CLIC4: variants seen among roughly 807,000 people sequenced by gnomAD.
CLIC4 encodes the protein CLIC family member 4.
In CLIC4, 13 loss-of-function variants were observed where a neutral mutation model predicts 24.6. The ratio of observed to expected loss-of-function variants is 0.53; its 90% CI spans 0.34 to 0.84. The LOEUF (loss-of-function observed/expected upper bound fraction) is 0.84. Among genes scored for constraint, CLIC4 ranks in the 40% least tolerant of loss-of-function variants. The pLI, the probability that CLIC4 is intolerant of heterozygous loss-of-function variation, is 0.01. For synonymous variants in CLIC4, 104 were observed against 111.3 expected (o/e 0.93, Z 0.41); for missense variants, 227 against 301.7 (o/e 0.75, Z 1.83).
At chr1:24,776,122 C>T (rs140021194) in intron 1 of CLIC4, among the ~76,000 whole-genome samples, 3 of 152,242 alleles carry the variant, frequency 2.0e-5, no homozygotes, top group South Asian at 2.1e-4. Context: ...CACGGATCAG[C>T]GAGAGATTTA....
chr1:24,839,115 C>T (rs1384280398), intron 4 of CLIC4, among the ~76,000 whole-genome samples: 1 of 152,114 alleles, frequency 6.6e-6, no homozygotes, highest in East Asian at 1.9e-4. Flanking sequence ...TTTCTTAACA[C>T]ATTTCTTACT....
At chr1:24,766,473 G>GTTT (rs71032855) in intron 1 of CLIC4, among the ~76,000 whole-genome samples, 1 of 62,040 alleles carries the variant, frequency 1.6e-5, no homozygotes, top group African/African-American at 6.5e-5. Flanking sequence ...TGCCCAGACG[G>GTTT]TTTTTTTTTT....
intron 3 of CLIC4, among the ~76,000 whole-genome samples, chr1:24,818,460 TATTTTTAGTGGA>T (rs1192617114): frequency 1.7e-4 from 26 of 152,222 alleles, no homozygotes; most frequent in African/African-American, 6.0e-4. Context: ...CTAATTTTTG[TATTTTTAGTGGA>T]GATGGGGTTC....
intron 2 of CLIC4, among the ~76,000 whole-genome samples, chr1:24,801,240 A>C (rs1204159340): frequency 6.6e-6 from 1 of 152,194 alleles, no homozygotes; most frequent in Non-Finnish European, 1.5e-5. Flanking sequence ...GTAATTCATA[A>C]AGAAAAGAGG....
At chr1:24,837,286 A>C (rs1198249908) in intron 4 of CLIC4, among the ~76,000 whole-genome samples, 1 of 152,212 alleles carries the variant, frequency 6.6e-6, no homozygotes, top group East Asian at 1.9e-4. Context: ...GGATATTATG[A>C]AAAAATTTAT....
In CLIC4 at chr1:24,839,449, G is replaced by A. The variant is rs373482885; in HGVS notation, c.416-411G>A. On this transcript the variant is annotated intron_variant, in intron 4 of 5. Coordinates refer to ENST00000374379, the MANE Select transcript of CLIC4 (RefSeq NM_013943.3). Reference sequence around the variant, plus strand: ...CGAGTAGCTGGGACTACAGGCGCCCGCCACCACGCCCGGCTAATTTTTTGT... The same window carrying A: ...CGAGTAGCTGGGACTACAGGCGCCCACCACCACGCCCGGCTAATTTTTTGT... 2.3e-4 allele frequency among the ~76,000 whole-genome samples: 35 copies of A among 152,156 alleles called. No homozygotes were observed. The East Asian group carries it at 3.3e-3, about 14-fold the overall frequency.
chr1:24,772,927 T>C (rs973165399), intron 1 of CLIC4, among the ~76,000 whole-genome samples: 2 of 152,244 alleles, frequency 1.3e-5, no homozygotes, highest in African/African-American at 4.8e-5. Context: ...TTTTCATGAT[T>C]GCAGTTTTTC....
chr1:24,774,525 G>A (rs1037854698), intron 1 of CLIC4, among the ~76,000 whole-genome samples: 14 of 152,138 alleles, frequency 9.2e-5, no homozygotes, highest in Non-Finnish European at 1.9e-4. Flanking sequence ...TGGGCGTGGT[G>A]GCTCATGCCT....
intron 1 of CLIC4, among the ~76,000 whole-genome samples, chr1:24,746,189 T>C (rs1316508349): frequency 1.3e-5 from 2 of 152,396 alleles, no homozygotes; most frequent in East Asian, 1.9e-4. Flanking sequence ...CAGGTGCTCT[T>C]GGACCTTCGG....
intron 1 of CLIC4, among the ~76,000 whole-genome samples, chr1:24,755,310 A>G (rs1471296660): frequency 8.4e-5 from 12 of 143,268 alleles, no homozygotes; most frequent in Middle Eastern, 4.1e-3. Flanking sequence ...ATGATGGTGC[A>G]CGCCTGTAAT....
intron 1 of CLIC4, among the ~76,000 whole-genome samples, chr1:24,763,222 A>G (rs751872855): frequency 2.9e-4 from 44 of 152,216 alleles, no homozygotes; most frequent in Middle Eastern, 3.4e-3. Flanking sequence ...TGCAAGTGCA[A>G]AAACCATTTT....
At position 24,840,836 on chromosome 1, in the gene CLIC4, C is replaced by G; in HGVS notation, c.661C>G (p.Leu221Val). Reference sequence around the variant, plus strand: ...AGAAATGACTGGCATCTGGAGATACCTAACTAATGCATACAGTAGGGACGA... The same window carrying G: ...AGAAATGACTGGCATCTGGAGATACGTAACTAATGCATACAGTAGGGACGA... ...PKEMTGIWRY[L>V]TNAYSRDEFT... The change falls in exon 6 of 6, where the codon CTA becomes GTA. Residue 221 changes from leucine to valine, a missense_variant. Leu to Val is a conservative substitution (Grantham distance 32). Coordinates refer to ENST00000374379, the MANE Select transcript of CLIC4 (RefSeq NM_013943.3). The G allele has an allele frequency of 3.1e-6, 5 of 1,611,776 alleles. No homozygotes were observed. Among genetic ancestry groups the G allele is most frequent in the Non-Finnish European group, 4.2e-6 (5 of 1,178,834 alleles).
At chr1:24,763,214 C>A (rs1638949513) in intron 1 of CLIC4, among the ~76,000 whole-genome samples, 1 of 151,892 alleles carries the variant, frequency 6.6e-6, no homozygotes, top group South Asian at 2.1e-4. Context: ...CCACACTCTG[C>A]AAGTGCAAAA....
rs144700477 is a variant in CLIC4, at chr1:24,786,485, T to C, written c.73-11257T>C. On this transcript the variant is annotated intron_variant, in intron 1 of 5. Transcript: ENST00000374379. ...AGTGAGGAACACCCAGACAGCAAAG[T>C]AAAGAAAATACTCCTTTTATAAGAA... is the stretch of plus-strand genomic sequence containing the variant. 7.9e-5 allele frequency among the ~76,000 whole-genome samples: 12 copies of C among 152,314 alleles called. No homozygotes were observed. In the South Asian group the frequency reaches 2.3e-3, roughly 29 times the overall value.
chr1:24,764,133 G>A (rs891966501), intron 1 of CLIC4, among the ~76,000 whole-genome samples: 1 of 152,134 alleles, frequency 6.6e-6, no homozygotes, highest in African/African-American at 2.4e-5. Flanking sequence ...TTGGTGGGTA[G>A]TTGTTGCCCA....
intron 3 of CLIC4, among the ~76,000 whole-genome samples, chr1:24,818,043 A>G (rs995693484): frequency 2.0e-5 from 3 of 152,228 alleles, no homozygotes; most frequent in African/African-American, 7.2e-5. Context: ...ATCACAGATC[A>G]TCATAACAGA....
At chr1:24,780,819 G>T (rs1222829859) in intron 1 of CLIC4, among the ~76,000 whole-genome samples, 1 of 152,148 alleles carries the variant, frequency 6.6e-6, no homozygotes, top group African/African-American at 2.4e-5. Flanking sequence ...TGGGCACGGT[G>T]TCTCATGCCT....
intron 1 of CLIC4, among the ~76,000 whole-genome samples, chr1:24,758,741 G>A (rs1260499034): frequency 1.3e-5 from 2 of 152,130 alleles, no homozygotes; most frequent in Non-Finnish European, 2.9e-5. Flanking sequence ...TTACAGGCAT[G>A]AGCCATCATG....
chr1:24,789,973 G>T (rs964578095), intron 1 of CLIC4, among the ~76,000 whole-genome samples: 1 of 152,174 alleles, frequency 6.6e-6, no homozygotes, highest in Non-Finnish European at 1.5e-5. Flanking sequence ...TGACATTTCT[G>T]TGGAGGGAAA....
Sources: allele counts gnomAD v4.1 joint callset (sites outside exome capture counted in the v4.1 genomes callset), GRCh38; gene constraint gnomAD v4.1.1; transcripts MANE v1.5; gene names NCBI Gene and HGNC (gene_info 2026-07-23, HGNC 2026-07-21).